The following NDRG2 variants were observed in gnomAD, a reference collection of about 807,000 sequenced individuals.
NDRG2 encodes protein NDRG2.
Under a neutral mutation model 58.2 loss-of-function variants are expected in NDRG2, and 34 were observed. The observed-to-expected ratio is 0.58, with a 90% confidence interval of 0.44 to 0.78. The LOEUF is 0.78. Ranked by LOEUF, NDRG2 falls within the 30% of genes least tolerant of loss-of-function variation. NDRG2 has a pLI of 0.00. For synonymous variants in NDRG2, 187 were observed against 175.9 expected, an observed-to-expected ratio of 1.06 and a Z score of -0.50; for missense variants, 434 against 471.2, an observed-to-expected ratio of 0.92 and a Z score of 0.73.
intron 1 of NDRG2, chr14:21,057,811 A>T: frequency 8.1e-7 from 1 of 1,229,822 alleles, no homozygotes. Flanking sequence ...TGAAATTCTT[A>T]GAAGGACTAA....
intron 1 of NDRG2, chr14:21,032,202 C>T: frequency 9.9e-7 from 1 of 1,006,102 alleles, no homozygotes; most frequent in Non-Finnish European, 1.5e-6. Context: ...ACAGATGAGC[C>T]TACTAGTGTA....
Position 21,070,261 on chromosome 14 carries a change from G to T in NDRG2, c.24+567C>A. 1 of 971,224 alleles carries T rather than the reference G, an allele frequency of 1.0e-6. No homozygotes were observed. Among genetic ancestry groups the T allele is most frequent in the South Asian group, 5.1e-5 (1 of 19,598 alleles). The allele number at this position is 971,224 out of a possible 1,614,324, so 60.2% of individuals were successfully genotyped here. A position where few individuals can be genotyped will look rare whatever the true frequency, so the allele number is the denominator to read the frequency against. On this transcript the variant is annotated intron_variant, in intron 1 of 14. Coordinates refer to the NDRG2 transcript ENST00000403829. This position sits in a 1 kb window ranked among gnomAD's most constrained non-coding sequence, Gnocchi z 4.7. ...GCGGGGCCCCGCGGCCTGGAAGCCG[G>T]AGCGGGCCGAGCCGCCACCGCGGCC...
Position 21,034,231 on chromosome 14 carries a change from C to G in NDRG2, c.25-10910G>C, listed in dbSNP as rs757109086. ...CCAATCTGCATCTTGATGTCCATGA[C>G]CAGAGTTGGCCCCAGAACAAGCTGG... On this transcript the variant is annotated intron_variant, in intron 1 of 14. Coordinates refer to the NDRG2 transcript ENST00000403829. The G allele has an allele frequency of 2.5e-6, 4 of 1,614,044 alleles. No homozygotes were observed. In the South Asian group the frequency reaches 3.3e-5, roughly 13 times the overall value.
chr14:21,030,765 A>G, upstream of NDRG2: 1 of 1,612,360 alleles, frequency 6.2e-7, no homozygotes, highest in African/African-American at 1.3e-5. Flanking sequence ...GTGAGGAGCC[A>G]AAAATATGGA....
chr14:21,069,904 G>A (rs1210673160), intron 1 of NDRG2, among the ~76,000 whole-genome samples: 1 of 152,242 alleles, frequency 6.6e-6, no homozygotes, highest in Non-Finnish European at 1.5e-5. Flanking sequence ...GTTCTGGGAA[G>A]GGGCGGCCCA....
chr14:21,026,899 G>A (rs1883708305), upstream of NDRG2, among the ~76,000 whole-genome samples: 1 of 152,174 alleles, frequency 6.6e-6, no homozygotes, highest in South Asian at 2.1e-4. Flanking sequence ...CGCAAGACAG[G>A]AGAGATCTCA....
At chr14:21,040,887 C>T (rs919260438) in intron 1 of NDRG2, among the ~76,000 whole-genome samples, 1 of 152,202 alleles carries the variant, frequency 6.6e-6, no homozygotes, top group Non-Finnish European at 1.5e-5. Context: ...GCCATTATCA[C>T]TTTGAGCAAA....
intron 1 of NDRG2, chr14:21,023,648 T>C (rs1322994000): frequency 3.5e-6 from 1 of 289,034 alleles, no homozygotes; most frequent in Non-Finnish European, 6.7e-6. Flanking sequence ...CTCAGATTTC[T>C]CGGGCTATAT....
chr14:21,030,999 T>C, intron 1 of NDRG2: 1 of 1,593,240 alleles, frequency 6.3e-7, no homozygotes, highest in Non-Finnish European at 8.5e-7. Context: ...TGGATTTCTG[T>C]CTAACTGACC....
intron 1 of NDRG2, among the ~76,000 whole-genome samples, chr14:21,051,293 AATAGAC>A (rs1181532850): frequency 6.6e-6 from 1 of 152,190 alleles, no homozygotes; most frequent in Non-Finnish European, 1.5e-5. Flanking sequence ...AAAATGAGAA[AATAGAC>A]ATAGAGCACT....
chr14:21,041,908 C>T (rs750246866), intron 1 of NDRG2, among the ~76,000 whole-genome samples: 2 of 152,158 alleles, frequency 1.3e-5, no homozygotes, highest in Non-Finnish European at 2.9e-5. Context: ...GAAAGATAAC[C>T]AGTATCTCCA....
intron 1 of NDRG2, chr14:21,033,570 T>A: frequency 1.8e-6 from 1 of 552,530 alleles, no homozygotes; most frequent in East Asian, 3.1e-5. Flanking sequence ...GGTTTTACTG[T>A]CTCTGGGAGA....
intron 1 of NDRG2, chr14:21,031,288 A>T: frequency 7.7e-7 from 1 of 1,303,322 alleles, no homozygotes; most frequent in Non-Finnish European, 1.0e-6. Context: ...TTTAGAGATC[A>T]TCTAGACATT....
chr14:21,022,889 G>C lies in NDRG2; in HGVS notation c.92C>G (p.Ala31Gly), dbSNP rs775550421. The C allele has an allele frequency of 1.2e-6, 2 of 1,614,018 alleles. No homozygotes were observed. The highest frequency in any genetic ancestry group is 1.7e-6 in the Non-Finnish European group (2 of 1,179,962). The change falls in exon 3 of 16, where the codon GCC becomes GGC. Residue 31 changes from alanine to glycine, a missense_variant. By Grantham distance (60) the Ala-to-Gly change is moderately conservative (BLOSUM62 0). Transcript: ENST00000556147. Reference sequence around the variant, plus strand: ...CTGTCCCTGGTCCAGGAGGATTCGGGCAGCTAACTCAGCCTCCTGGAGAGA... The same window carrying C: ...CTGTCCCTGGTCCAGGAGGATTCGGCCAGCTAACTCAGCCTCCTGGAGAGA... ...PEAAKEAELA[A>G]RILLDQGQTH...
At chr14:21,067,083 A>G (rs1886307275) in intron 1 of NDRG2, among the ~76,000 whole-genome samples, 1 of 152,200 alleles carries the variant, frequency 6.6e-6, no homozygotes, top group South Asian at 2.1e-4. Flanking sequence ...AATAGTGAGC[A>G]GCCTAAAACC....
Position 21,019,980 on chromosome 14 carries a change from TGAG to T in NDRG2, c.556-7_556-5del, listed in dbSNP as rs1566459038. 2.5e-6 allele frequency: 4 copies of T among 1,613,386 alleles called. No individual in the cohort carries two copies. Among genetic ancestry groups the T allele is most frequent in the East Asian group, 2.2e-5 (1 of 44,882 alleles). On this transcript the variant is annotated splice_region_variant and splice_polypyrimidine_tract_variant and intron_variant, in intron 8 of 15. Transcript: ENST00000556147. ...TGGAAGAGGTGAGGCCTGTTAGCTA[TGAG>T]GAGAAGGCAGGTGAGAAAGTTCAGG...
chr14:21,023,184 A>AG (rs1881722115), intron 2 of NDRG2, 57 bp downstream of exon 2: 1 of 1,446,482 alleles, frequency 6.9e-7, no homozygotes, highest in Non-Finnish European at 9.7e-7. Flanking sequence ...TTAGAAGGCA[A>AG]GGGGGATGCT....
intron 2 of NDRG2, 107 bp downstream of exon 2, chr14:21,023,134 C>A: frequency 1.0e-6 from 1 of 1,000,134 alleles, no homozygotes; most frequent in Non-Finnish European, 1.5e-6. Flanking sequence ...AGTGGTGAAG[C>A]AGTGGTGTGA....
chr14:21,062,765 G>A (rs1886035143), intron 1 of NDRG2, among the ~76,000 whole-genome samples: 1 of 130,704 alleles, frequency 7.7e-6, no homozygotes, highest in South Asian at 2.5e-4. Flanking sequence ...TTGAGATGGA[G>A]CCTCACTCTG....
Sources: gnomAD v4.1 joint callset for allele counts (sites outside exome capture counted in the v4.1 genomes callset) on GRCh38, gnomAD v4.1.1 for gene constraint, Gnocchi (gnomAD v3.1) non-coding constraint, MANE v1.5 for transcripts, NCBI Gene and HGNC (gene_info 2026-07-23, HGNC 2026-07-21) for gene names.